The following PPFIBP1 variants were observed in gnomAD, a reference collection of about 807,000 sequenced individuals.
The protein encoded by PPFIBP1 is PPFIB scaffold protein 1.
Under a neutral mutation model 137.8 loss-of-function variants are expected in PPFIBP1, and 112 were observed. That is an observed-to-expected ratio of 0.81 (90% confidence interval 0.70 to 0.95). PPFIBP1 has a LOEUF of 0.95. Ranked by LOEUF, PPFIBP1 falls within the 40% of genes least tolerant of loss-of-function variation. The pLI, the probability that PPFIBP1 is intolerant of heterozygous loss-of-function variation, is 0.00. For missense variants in PPFIBP1, 1,083 were observed against 1,196.6 expected (o/e 0.91, Z 1.40); for synonymous variants, 378 against 417.3 (o/e 0.91, Z 1.15).
chr12:27,603,606 C>T (rs1226596166), intron 2 of PPFIBP1, among the ~76,000 whole-genome samples: 3 of 152,176 alleles, frequency 2.0e-5, no homozygotes, highest in Non-Finnish European at 4.4e-5. Context: ...TCAGCATCTG[C>T]CAACATGGTG....
intron 2 of PPFIBP1, among the ~76,000 whole-genome samples, chr12:27,578,702 G>A (rs2050787574): frequency 6.6e-6 from 1 of 152,146 alleles, no homozygotes; most frequent in Non-Finnish European, 1.5e-5. Context: ...TATTTCTCTT[G>A]CTCAGTAATA....
chr12:27,661,268 C>G (rs1006443370), intron 11 of PPFIBP1, among the ~76,000 whole-genome samples: 8 of 152,240 alleles, frequency 5.3e-5, no homozygotes, highest in Admixed American at 3.3e-4. Context: ...TCTGGGCTAA[C>G]TTTTGGGCCC....
chr12:27,691,687 G>A, intron 27 of PPFIBP1, 62 bp from the exon 28 acceptor site: 1 of 1,403,438 alleles, frequency 7.1e-7, no homozygotes, highest in Non-Finnish European at 9.8e-7. Flanking sequence ...CATGTTATCA[G>A]GCCTTGATTA....
At chr12:27,647,407 A>G (rs1415705897) in intron 5 of PPFIBP1, among the ~76,000 whole-genome samples, 10 of 152,082 alleles carry the variant, frequency 6.6e-5, no homozygotes, top group Non-Finnish European at 1.3e-4. Flanking sequence ...CTCTTATACT[A>G]TCTCCACGCT....
intron 2 of PPFIBP1, among the ~76,000 whole-genome samples, chr12:27,626,194 A>G (rs918045033): frequency 6.6e-6 from 1 of 152,200 alleles, no homozygotes; most frequent in African/African-American, 2.4e-5. Context: ...GCAGAGAAAC[A>G]GAAAACAAGG....
chr12:27,602,598 A>G lies in PPFIBP1; in HGVS notation c.-36+24359A>G, dbSNP rs143886046. Among the ~76,000 whole-genome samples the G allele has an allele frequency of 2.2e-3, 340 of 152,344 alleles. 3 individuals are homozygous for G. The highest frequency in any genetic ancestry group is 6.8e-3 in the African/African-American group (282 of 41,582). ...AGGTTATGCAAGAGTGGGGAAGTCT[A>G]CAATACTTAGAGCCCATTATGAACA... On this transcript the variant is annotated intron_variant, in intron 2 of 29. Transcript: ENST00000228425.
intron 2 of PPFIBP1, among the ~76,000 whole-genome samples, chr12:27,630,403 A>G (rs573301540): frequency 2.0e-5 from 3 of 152,128 alleles, no homozygotes; most frequent in South Asian, 2.1e-4. Context: ...CTTTCTAGTC[A>G]TACTTCCTGA....
At chr12:27,607,590 C>T (rs2054651752) in intron 2 of PPFIBP1, among the ~76,000 whole-genome samples, 1 of 152,080 alleles carries the variant, frequency 6.6e-6, no homozygotes, top group African/African-American at 2.4e-5. Flanking sequence ...TGGGGTGGAG[C>T]CTGAGAATTT....
chr12:27,574,707 C>T (rs908180387), intron 1 of PPFIBP1, among the ~76,000 whole-genome samples: 13 of 152,142 alleles, frequency 8.5e-5, no homozygotes, highest in Non-Finnish European at 1.8e-4. Flanking sequence ...GTATTATCAA[C>T]GTAGCATAAA....
chr12:27,647,208 C>T (rs2058569089), intron 5 of PPFIBP1, among the ~76,000 whole-genome samples: 1 of 152,084 alleles, frequency 6.6e-6, no homozygotes, highest in South Asian at 2.1e-4. Flanking sequence ...ACCGTGTTGG[C>T]CAGGCTGGTC....
intron 2 of PPFIBP1, among the ~76,000 whole-genome samples, chr12:27,608,565 A>C (rs1175113801): frequency 2.0e-5 from 3 of 152,198 alleles, no homozygotes; most frequent in African/African-American, 7.2e-5. Context: ...TTCACCTCTT[A>C]AGTAAAAGCA....
At chr12:27,555,878 T>C (rs1212620049) in intron 1 of PPFIBP1, among the ~76,000 whole-genome samples, 1 of 152,226 alleles carries the variant, frequency 6.6e-6, no homozygotes, top group African/African-American at 2.4e-5. Context: ...ATCAGAGCCT[T>C]ATGATTGAAA....
At chr12:27,571,243 TA>T (rs1184393939) in intron 1 of PPFIBP1, among the ~76,000 whole-genome samples, 1 of 152,218 alleles carries the variant, frequency 6.6e-6, no homozygotes, top group Non-Finnish European at 1.5e-5. Context: ...ATTTTTTAAT[TA>T]TAAATATTAT....
Position 27,561,714 on chromosome 12 carries a change from C to T in PPFIBP1, c.-123-16438C>T, listed in dbSNP as rs532316807. Reference sequence around the variant, plus strand: ...GCCTGCTTTCGTTTCTGTAGTTCTCCGAGCACTCCTCTGCCTCTGCACATT... The same window carrying T: ...GCCTGCTTTCGTTTCTGTAGTTCTCTGAGCACTCCTCTGCCTCTGCACATT... On this transcript the variant is annotated intron_variant, in intron 1 of 29. Transcript: ENST00000228425. 2.1e-4 allele frequency among the ~76,000 whole-genome samples: 32 copies of T among 152,118 alleles called. No homozygotes were observed. The South Asian group carries it at 5.8e-3, about 28-fold the overall frequency.
Position 27,687,508 on chromosome 12 carries a change from G to A in PPFIBP1, c.2370+1G>A. ...TCTACGGAGGCGGCCATCTGATGAGGTAGTGTTTTAAGATTGAGGTTTATA... is the reference window on the plus strand; with the variant it reads ...TCTACGGAGGCGGCCATCTGATGAGATAGTGTTTTAAGATTGAGGTTTATA... On this transcript the variant is annotated splice_donor_variant, in intron 25 of 29. Coordinates refer to ENST00000228425, the MANE Select transcript of PPFIBP1 (RefSeq NM_003622.4). LOFTEE classifies it high-confidence loss of function. 6.2e-7 allele frequency: 1 copy of A among 1,613,424 alleles called. No homozygotes were observed. Among genetic ancestry groups the A allele is most frequent in the Non-Finnish European group, 8.5e-7 (1 of 1,179,586 alleles).
chr12:27,581,243 C>T (rs114215169), intron 2 of PPFIBP1, among the ~76,000 whole-genome samples: 2,619 of 152,246 alleles, frequency 0.017, 73 homozygotes, highest in African/African-American at 0.06. Context: ...TATGAAATTT[C>T]GTTTGCCTAA....
At chr12:27,687,988 G>C (rs2061300600) in intron 25 of PPFIBP1, among the ~76,000 whole-genome samples, 1 of 152,076 alleles carries the variant, frequency 6.6e-6, no homozygotes, top group Non-Finnish European at 1.5e-5. Flanking sequence ...AGGAGGCTGA[G>C]GTAGGAGGAT....
At chr12:27,532,456 T>C (rs866431695) in intron 1 of PPFIBP1, among the ~76,000 whole-genome samples, 1 of 144,798 alleles carries the variant, frequency 6.9e-6, no homozygotes, top group East Asian at 1.9e-4. Flanking sequence ...AAGGGAACTT[T>C]GTATTTTTTT....
chr12:27,690,100 C>G (rs1334512891), intron 27 of PPFIBP1, among the ~76,000 whole-genome samples: 1 of 152,010 alleles, frequency 6.6e-6, no homozygotes, highest in African/African-American at 2.4e-5. Flanking sequence ...AGCTATCTGC[C>G]CACTCTAACA....
Sources: gnomAD v4.1 joint callset for allele counts (sites outside exome capture counted in the v4.1 genomes callset) on GRCh38, gnomAD v4.1.1 for gene constraint, MANE v1.5 for transcripts, NCBI Gene and HGNC (gene_info 2026-07-23, HGNC 2026-07-21) for gene names.